Variants in SAMD4A observed in about 807,000 individuals in gnomAD.
SAMD4A encodes sterile alpha motif domain containing 4A, also known as protein Smaug homolog 1.
Under a neutral mutation model 81.3 loss-of-function variants are expected in SAMD4A, and 33 were observed. The ratio of observed to expected loss-of-function variants is 0.41; its 90% CI spans 0.31 to 0.54. SAMD4A has a LOEUF of 0.54. SAMD4A is among the 20% of genes least tolerant of loss of function. The pLI is 0.37. For missense variants in SAMD4A, 854 were observed against 951.1 expected (o/e 0.90, Z 1.34); for synonymous variants, 389 against 382.1 (o/e 1.02, Z -0.21).
At chr14:54,677,936 C>T (rs1202580692) in intron 2 of SAMD4A, among the ~76,000 whole-genome samples, 1 of 152,110 alleles carries the variant, frequency 6.6e-6, no homozygotes, top group Non-Finnish European at 1.5e-5. Context: ...TTCATTCATT[C>T]TGTCTGTCTG....
intron 12 of SAMD4A, among the ~76,000 whole-genome samples, chr14:54,786,288 A>G (rs144945568): frequency 1.2e-3 from 189 of 152,314 alleles, no homozygotes; most frequent in Non-Finnish European, 2.3e-3. Context: ...TCCAGGATAG[A>G]CTAATCTACT....
rs375277162 is a variant in SAMD4A, at chr14:54,776,549, C to G, written c.2044+9C>G. 6.4e-7 allele frequency: 1 copy of G among 1,553,214 alleles called. No individual in the cohort carries two copies. The highest frequency in any genetic ancestry group is 8.7e-7 in the Non-Finnish European group (1 of 1,152,880). ...GATGTTCCAGCAGCCAGGTAGGGCCCGGCGCTTCATGTCCCCTTGACACAG... is the reference window on the plus strand; with the variant it reads ...GATGTTCCAGCAGCCAGGTAGGGCCGGGCGCTTCATGTCCCCTTGACACAG... On this transcript the variant is annotated intron_variant, in intron 11 of 12. Transcript: ENST00000554335.
intron 2 of SAMD4A, among the ~76,000 whole-genome samples, chr14:54,603,655 T>C (rs747412931): frequency 3.3e-5 from 5 of 152,178 alleles, no homozygotes; most frequent in African/African-American, 9.7e-5. Flanking sequence ...GAATAAGTAG[T>C]TAGACCATTC....
intron 2 of SAMD4A, among the ~76,000 whole-genome samples, chr14:54,663,630 A>T (rs1473826975): frequency 6.6e-6 from 1 of 152,158 alleles, no homozygotes; most frequent in African/African-American, 2.4e-5. Flanking sequence ...GAGCAAACAA[A>T]ATTACTCTTC....
chr14:54,653,087 C>T (rs919290883), intron 2 of SAMD4A, among the ~76,000 whole-genome samples: 9 of 151,888 alleles, frequency 5.9e-5, no homozygotes, highest in African/African-American at 1.9e-4. Flanking sequence ...CTGGCCTTTG[C>T]TTTTTCTACA....
At chr14:54,700,050 T>C (rs1196629032) in intron 2 of SAMD4A, among the ~76,000 whole-genome samples, 2 of 152,220 alleles carry the variant, frequency 1.3e-5, no homozygotes, top group African/African-American at 2.4e-5. Flanking sequence ...TCCTTGATCA[T>C]TTTTAGTGAC....
intron 9 of SAMD4A, 23 bp downstream of exon 9, chr14:54,770,245 G>A: frequency 6.6e-7 from 1 of 1,506,202 alleles, no homozygotes; most frequent in Non-Finnish European, 9.2e-7. Flanking sequence ...TTCATTCTTT[G>A]TAATGCGTAG....
chr14:54,596,102 G>A (rs1001627992), intron 2 of SAMD4A, among the ~76,000 whole-genome samples: 4 of 152,156 alleles, frequency 2.6e-5, no homozygotes, highest in African/African-American at 9.7e-5. Flanking sequence ...ATGGTATGTG[G>A]CGTGGGAAGA....
rs146340671 is a variant in SAMD4A at position 54,757,425 on chromosome 14, G to GTGTGTGTGTTT, written c.1177-2733_1177-2732insGTGTGTTTTGT. On this transcript the variant is annotated intron_variant, in intron 6 of 12. Transcript: ENST00000554335. ...TGTGTGTGTGTGTGTGTGTGTGTGT[G>GTGTGTGTGTTT]TGTTTTGTTTTGTTTTGTTTGGTGT... 3.5e-3 allele frequency among the ~76,000 whole-genome samples: 473 copies of GTGTGTGTGTTT among 136,054 alleles called. 2 individuals are homozygous for GTGTGTGTGTTT. The highest frequency in any genetic ancestry group is 0.016 in the South Asian group (66 of 4,102). The allele number at this position is 136,054 out of a possible 152,430, so 89.3% of individuals were successfully genotyped here.
intron 2 of SAMD4A, among the ~76,000 whole-genome samples, chr14:54,660,862 A>G (rs2035627395): frequency 6.6e-6 from 1 of 152,238 alleles, no homozygotes; most frequent in South Asian, 2.1e-4. Flanking sequence ...TGTCAGCCAC[A>G]GAATTGTTTG....
chr14:54,772,617 G>T (rs1430728754), intron 9 of SAMD4A, among the ~76,000 whole-genome samples: 2 of 152,082 alleles, frequency 1.3e-5, no homozygotes, highest in African/African-American at 4.8e-5. Flanking sequence ...TGCCTTCCTG[G>T]AAACACAAAT....
At chr14:54,727,731 T>C (rs2037461248) in intron 3 of SAMD4A, among the ~76,000 whole-genome samples, 1 of 152,200 alleles carries the variant, frequency 6.6e-6, no homozygotes, top group Admixed American at 6.5e-5. Flanking sequence ...AGGTTCCAAA[T>C]GAATTTTAGC....
chr14:54,576,006 T>TTC, intron 2 of SAMD4A, among the ~76,000 whole-genome samples: 1 of 5,956 alleles, frequency 1.7e-4, no homozygotes, highest in African/African-American at 4.7e-4. Context: ...TCTTTCTTTT[T>TTC]TTTTTTTTTT....
At chr14:54,646,964 C>A (rs568471931) in intron 2 of SAMD4A, among the ~76,000 whole-genome samples, 14 of 152,128 alleles carry the variant, frequency 9.2e-5, no homozygotes, top group African/African-American at 3.4e-4. Flanking sequence ...GCTGGAAACT[C>A]AATGCAGCTT....
intron 3 of SAMD4A, among the ~76,000 whole-genome samples, chr14:54,728,889 G>A (rs2140897622): frequency 6.6e-6 from 1 of 152,318 alleles, no homozygotes; most frequent in South Asian, 2.1e-4. Context: ...GATGATGCCT[G>A]TCCTTACCTG....
At chr14:54,661,398 G>A (rs1424255880) in intron 2 of SAMD4A, among the ~76,000 whole-genome samples, 1 of 152,184 alleles carries the variant, frequency 6.6e-6, no homozygotes, top group Non-Finnish European at 1.5e-5. Context: ...TATGCCTGCT[G>A]TATTTATAAG....
At chr14:54,689,264 A>G (rs1220829847) in intron 2 of SAMD4A, among the ~76,000 whole-genome samples, 2 of 152,094 alleles carry the variant, frequency 1.3e-5, no homozygotes, top group African/African-American at 2.4e-5. Flanking sequence ...TTTTCCAGGC[A>G]TGCCCCTCCT....
At chr14:54,659,858 G>A (rs1486469959) in intron 2 of SAMD4A, among the ~76,000 whole-genome samples, 30 of 152,110 alleles carry the variant, frequency 2.0e-4, no homozygotes, top group Non-Finnish European at 4.1e-4. Context: ...GGTGGCCTAT[G>A]GCCTGATGTC....
At chr14:54,678,087 G>A (rs982597977) in intron 2 of SAMD4A, among the ~76,000 whole-genome samples, 1 of 152,174 alleles carries the variant, frequency 6.6e-6, no homozygotes, top group African/African-American at 2.4e-5. Context: ...GACATGGGAG[G>A]CTTCAGAAAA....
Sources: allele counts gnomAD v4.1 joint callset (sites outside exome capture counted in the v4.1 genomes callset), GRCh38; gene constraint gnomAD v4.1.1; transcripts MANE v1.5; gene names NCBI Gene and HGNC (gene_info 2026-07-23, HGNC 2026-07-21).